CDH7: variants seen among roughly 807,000 people sequenced by gnomAD.
The protein encoded by CDH7 is cadherin-7.
Under a neutral mutation model 71.8 loss-of-function variants are expected in CDH7, and 25 were observed. That is an observed-to-expected ratio of 0.35 (90% CI 0.25 to 0.49). CDH7 has a LOEUF of 0.49. CDH7 is among the 20% of genes least tolerant of loss of function. The probability of loss-of-function intolerance (pLI) is 0.99; values close to 1 mark genes in which losing one functional copy is unlikely to be tolerated. For missense variants in CDH7, 862 were observed against 974.6 expected, an observed-to-expected ratio of 0.88 and a Z score of 1.54; for synonymous variants, 381 against 363.8, an observed-to-expected ratio of 1.05 and a Z score of -0.54.
At position 65,866,331 on chromosome 18, in the gene CDH7, CAAAAAAAAA is replaced by C; in HGVS notation, c.1864+3423_1864+3431del. 2 of 2,604 alleles carry C rather than the reference CAAAAAAAAA, an allele frequency of 7.7e-4. 1 individual carries two copies. The highest frequency in any genetic ancestry group is 0.077 in the South Asian group (2 of 26). The allele number at this position is 2,604 out of a possible 1,614,324, so 0.2% of individuals were successfully genotyped here. A position where few individuals can be genotyped will look rare whatever the true frequency, so the allele number is the denominator to read the frequency against. Reference sequence around the variant, plus strand: ...AAAAAAAAACAAAAAAAAAAAAAAACAAAAAAAAAAAAAAAAAGAATGAAACTATAGAAG... The same window carrying C: ...AAAAAAAAACAAAAAAAAAAAAAAACAAAAAAAAGAATGAAACTATAGAAG... On this transcript the variant is annotated intron_variant, in intron 11 of 11. Transcript: ENST00000397968.
rs1421181559 is a variant in CDH7 at position 65,781,811 on chromosome 18, CTTCCTTCCTTCTTTCTTTCT to C, written c.210+18763_210+18782del. Among the ~76,000 whole-genome samples, 64 of 64,060 alleles carry C rather than the reference CTTCCTTCCTTCTTTCTTTCT, an allele frequency of 1.0e-3. 2 individuals carry two copies. Among genetic ancestry groups the C allele is most frequent in the Middle Eastern group, 0.011 (1 of 90 alleles). 42.0% of individuals were successfully genotyped at this position (64,060 alleles called of 152,430 possible). On this transcript the variant is annotated intron_variant, in intron 2 of 11. Transcript: ENST00000397968. ...CCTTCCTTCCTTCCTTCCTTCCTTC[CTTCCTTCCTTCTTTCTTTCT>C]TTCTTTCTTTCTTTCTTTCTTTCTT... is the stretch of plus-strand genomic sequence containing the variant.
In CDH7 at chr18:65,857,952, C is replaced by T. The variant is rs1368189386; in HGVS notation, c.1372C>T (p.Gln458Ter). 6.8e-6 allele frequency: 11 copies of T among 1,612,302 alleles called. No individual in the cohort carries two copies. Among genetic ancestry groups the T allele is most frequent in the African/African-American group, 1.3e-5 (1 of 74,780 alleles). Residue 458 changes from glutamine to a stop codon, truncating the protein, a stop_gained and splice_region_variant, in exon 8 of 12, where the codon CAG (glutamine) becomes TAG (stop). Coordinates refer to ENST00000397968, the MANE Select transcript of CDH7 (RefSeq NM_004361.5). LOFTEE classifies it high-confidence loss of function. ...HNITVLAMESQNPSQVGRGYV... is the reference protein window; with the variant it reads ...HNITVLAMES Reference sequence around the variant, plus strand: ...TATCACAGTCCTTGCAATGGAGAGCCGTAAGTTGTGAGGCTTAAAACTAAA... The same window carrying T: ...TATCACAGTCCTTGCAATGGAGAGCTGTAAGTTGTGAGGCTTAAAACTAAA...
At chr18:65,814,067 G>A (rs114309438) in intron 3 of CDH7, among the ~76,000 whole-genome samples, 3 of 152,144 alleles carry the variant, frequency 2.0e-5, no homozygotes, top group Non-Finnish European at 4.4e-5. Flanking sequence ...TTGTATACCT[G>A]CAATTACTTG....
Position 65,860,786 on chromosome 18 carries a change from C to G in CDH7, c.1612+961C>G, listed in dbSNP as rs117763719. On this transcript the variant is annotated intron_variant, in intron 10 of 11. Transcript: ENST00000397968. ...GGTGGATAAGAAGTTTTGCATGAAG[C>G]CATCACCTTATTTAGTGCAACCTAG... Among the ~76,000 whole-genome samples the G allele has an allele frequency of 5.4e-4, 82 of 152,202 alleles. 1 individual carries two copies. The East Asian group carries it at 0.015, about 28-fold the overall frequency.
At chr18:65,803,246 C>T (rs1313309863) in intron 2 of CDH7, 2 of 152,046 alleles carry the variant, frequency 1.3e-5, no homozygotes, top group African/African-American at 4.8e-5. Context: ...GCCACTCTGC[C>T]TCTAAGAAAA....
chr18:65,852,195 G>A (rs1447518802), intron 7 of CDH7, among the ~76,000 whole-genome samples: 5 of 152,084 alleles, frequency 3.3e-5, no homozygotes, highest in South Asian at 2.1e-4. Context: ...AGAGATGTAG[G>A]TGGCTGAAAC....
chr18:65,816,696 T>C (rs1911735580), intron 4 of CDH7, among the ~76,000 whole-genome samples: 1 of 152,120 alleles, frequency 6.6e-6, no homozygotes, highest in Non-Finnish European at 1.5e-5. Context: ...AGAGGGTAAC[T>C]ATATTTTCTG....
At chr18:65,800,792 G>A (rs1372515533) in intron 2 of CDH7, among the ~76,000 whole-genome samples, 6 of 151,976 alleles carry the variant, frequency 3.9e-5, no homozygotes, top group African/African-American at 1.5e-4. Context: ...TAATTATTCT[G>A]TATTATACCT....
In CDH7 at chr18:65,822,739, C is replaced by A. The variant is rs147009247; in HGVS notation, c.793+491C>A. Among the ~76,000 whole-genome samples, 399 of 152,046 alleles carry A rather than the reference C, an allele frequency of 2.6e-3. 1 individual carries two copies. The highest frequency in any genetic ancestry group is 8.2e-3 in the African/African-American group (339 of 41,512). ...AGCCAGTTTATACACACTGAACATTCCTTTAGCAGTTCCCCCACGTCTTTC... is the reference window on the plus strand; with the variant it reads ...AGCCAGTTTATACACACTGAACATTACTTTAGCAGTTCCCCCACGTCTTTC... On this transcript the variant is annotated intron_variant, in intron 5 of 11. Transcript: ENST00000397968.
intron 7 of CDH7, among the ~76,000 whole-genome samples, chr18:65,851,185 TC>T (rs1913138868): frequency 1.3e-5 from 2 of 152,124 alleles, no homozygotes; most frequent in Non-Finnish European, 2.9e-5. Flanking sequence ...AGTAAATATG[TC>T]CCCAGCCACA....
intron 4 of CDH7, among the ~76,000 whole-genome samples, chr18:65,821,489 G>A (rs558097236): frequency 1.6e-4 from 25 of 152,250 alleles, no homozygotes; most frequent in Non-Finnish European, 3.2e-4. Flanking sequence ...TACACTTAGT[G>A]TATTAGAATA....
At chr18:65,809,445 C>T (rs1301449358) in intron 2 of CDH7, among the ~76,000 whole-genome samples, 2 of 152,134 alleles carry the variant, frequency 1.3e-5, no homozygotes, top group African/African-American at 2.4e-5. Context: ...ACACTACAAC[C>T]AGTTCCCAAC....
At chr18:65,853,332 C>G (rs1417459706) in intron 7 of CDH7, among the ~76,000 whole-genome samples, 2 of 152,168 alleles carry the variant, frequency 1.3e-5, no homozygotes, top group Non-Finnish European at 2.9e-5. Flanking sequence ...GCCAGTCAAT[C>G]CACAACATCA....
At chr18:65,819,642 G>T (rs1158351471) in intron 4 of CDH7, among the ~76,000 whole-genome samples, 1 of 152,186 alleles carries the variant, frequency 6.6e-6, no homozygotes, top group African/African-American at 2.4e-5. Flanking sequence ...GGCTTTGGGA[G>T]TTGGAAGTGC....
At chr18:65,850,189 A>ATATATATATATATATATATAT (rs373950984) in intron 7 of CDH7, among the ~76,000 whole-genome samples, 3 of 143,838 alleles carry the variant, frequency 2.1e-5, no homozygotes, top group African/African-American at 7.7e-5. Context: ...TATATATATA[A>ATATATATATATATATATATAT]AATTAAATAC....
In CDH7 at chr18:65,751,438, G is replaced by A. The variant is rs1263510569; in HGVS notation, c.-197+288G>A. On this transcript the variant is annotated intron_variant, in intron 1 of 11. Coordinates refer to ENST00000397968, the MANE Select transcript of CDH7 (RefSeq NM_004361.5). ...TAGTTGAGGGTAAGAGCAAATCCCG[G>A]CACTCTCCAGGTGCAGCGGCAAACA... Among the ~76,000 whole-genome samples the A allele has an allele frequency of 4.6e-5, 7 of 152,286 alleles. No homozygotes were observed. In the East Asian group the frequency reaches 1.2e-3, roughly 25 times the overall value.
intron 1 of CDH7, among the ~76,000 whole-genome samples, chr18:65,757,003 G>A (rs180818082): frequency 2.0e-5 from 3 of 150,928 alleles, no homozygotes; most frequent in East Asian, 3.9e-4. Context: ...TGGAAGACTC[G>A]CAATTTTGCT....
chr18:65,828,959 C>A (rs1231307028), intron 6 of CDH7, among the ~76,000 whole-genome samples: 1 of 151,980 alleles, frequency 6.6e-6, no homozygotes, highest in Admixed American at 6.5e-5. Flanking sequence ...CTTAAATTTG[C>A]TTTCAGTTTT....
chr18:65,843,979 T>G lies in CDH7; in HGVS notation c.1149T>G (p.Pro383=), dbSNP rs780086485. 9 of 1,612,874 alleles carry G rather than the reference T, an allele frequency of 5.6e-6. No individual in the cohort carries two copies. Among genetic ancestry groups the G allele is most frequent in the Non-Finnish European group, 7.6e-6 (9 of 1,179,306 alleles). Residue 383 remains proline, a synonymous_variant, in exon 7 of 12, where the codon CCT becomes CCG. Transcript: ENST00000397968. ...CTGTGTTCTCTTCACCCTTGTACCC[T>G]ATGGAGGTGTCGGAAGCTACCCAGG... ...EPPVFSSPLY[P]MEVSEATQVG...
Sources: allele counts gnomAD v4.1 joint callset (sites outside exome capture counted in the v4.1 genomes callset), GRCh38; gene constraint gnomAD v4.1.1; transcripts MANE v1.5; gene names NCBI Gene and HGNC (gene_info 2026-07-23, HGNC 2026-07-21).